Variants in CSMD1 observed in about 807,000 individuals in gnomAD.
The protein encoded by CSMD1 is CUB and sushi domain-containing protein 1.
A neutral mutation model predicts 417.5 loss-of-function variants in CSMD1; 213 were observed. That is an observed-to-expected ratio of 0.51 (90% confidence interval 0.46 to 0.57). The LOEUF is 0.57. Among genes scored for constraint, CSMD1 ranks in the 20% least tolerant of loss-of-function variants. The pLI, the probability that CSMD1 is intolerant of heterozygous loss-of-function variation, is 0.00. For missense variants in CSMD1, 6,923 were observed against 4,529.7 expected (o/e 1.53, Z -15.17); for synonymous variants, 2,862 against 1,736.8 (o/e 1.65, Z -16.11).
intron 1 of CSMD1, among the ~76,000 whole-genome samples, chr8:4,883,686 A>C (rs183980607): frequency 6.6e-6 from 1 of 152,112 alleles, no homozygotes; most frequent in Non-Finnish European, 1.5e-5. Context: ...ATAATAACCA[A>C]TTGTATGGCC....
intron 3 of CSMD1, among the ~76,000 whole-genome samples, chr8:4,270,716 T>C (rs924426681): frequency 6.6e-6 from 1 of 152,194 alleles, no homozygotes; most frequent in African/African-American, 2.4e-5. Flanking sequence ...TCATTTGTAA[T>C]GTGAAAATAG....
intron 5 of CSMD1, among the ~76,000 whole-genome samples, chr8:3,952,127 A>T (rs768028290): frequency 6.6e-6 from 1 of 152,186 alleles, no homozygotes; most frequent in East Asian, 1.9e-4. Flanking sequence ...TTATTTAAGT[A>T]GTGGTTCACA....
chr8:3,941,731 A>G (rs1385808830), intron 5 of CSMD1, among the ~76,000 whole-genome samples: 1 of 152,196 alleles, frequency 6.6e-6, no homozygotes, highest in East Asian at 1.9e-4. Flanking sequence ...TTTTAACTAC[A>G]GAGCTAAATC....
chr8:4,790,445 A>G (rs1797630150), intron 1 of CSMD1, among the ~76,000 whole-genome samples: 1 of 152,172 alleles, frequency 6.6e-6, no homozygotes, highest in African/African-American at 2.4e-5. Flanking sequence ...CTTTCAAACT[A>G]CCAATAACAT....
rs532471911 is a variant in CSMD1, at chr8:4,254,770, C to G, written c.415+165183G>C. Among the ~76,000 whole-genome samples, 49 of 152,214 alleles carry G rather than the reference C, an allele frequency of 3.2e-4. No individual in the cohort carries two copies. In the South Asian group the frequency reaches 9.5e-3, roughly 30 times the overall value. On this transcript the variant is annotated intron_variant, in intron 3 of 69. Transcript: ENST00000635120. The stretch of plus-strand genomic sequence containing the variant: ...AGTCTTACCATTGTGTTACAGTTGC[C>G]TACAGTCTGCAGGACCCTAACAAGG...
At chr8:4,850,382 C>CT in intron 1 of CSMD1, among the ~76,000 whole-genome samples, 9,068 of 77,850 alleles carry the variant, frequency 0.12, 689 homozygotes, top group East Asian at 0.23. Context: ...TCCAATTTAT[C>CT]TTTTTTTTTT....
chr8:2,984,953 T>G (rs769054515), intron 54 of CSMD1, among the ~76,000 whole-genome samples: 1 of 152,172 alleles, frequency 6.6e-6, no homozygotes, highest in Non-Finnish European at 1.5e-5. Context: ...ACATTGAAAA[T>G]GTTTTAAAGT....
chr8:4,290,206 C>T (rs1797284124), intron 3 of CSMD1, among the ~76,000 whole-genome samples: 1 of 152,070 alleles, frequency 6.6e-6, no homozygotes, highest in African/African-American at 2.4e-5. Context: ...TCAAAGGAAA[C>T]ACACTTGTAT....
In CSMD1 at chr8:3,567,450, A is replaced by G. The variant is rs573552224; in HGVS notation, c.1344+7495T>C. ...TTAAAAATAAAATAAAAATAAAAAT[A>G]TAAATGAAGACATAAAAAGTAAATA... On this transcript the variant is annotated intron_variant, in intron 10 of 69. Coordinates refer to ENST00000635120, the MANE Select transcript of CSMD1 (RefSeq NM_033225.6). Among the ~76,000 whole-genome samples the G allele has an allele frequency of 2.0e-5, 3 of 151,446 alleles. No individual in the cohort carries two copies. In the East Asian group the frequency reaches 5.8e-4, roughly 29 times the overall value.
At chr8:4,765,073 G>C (rs979470778) in intron 1 of CSMD1, among the ~76,000 whole-genome samples, 11 of 152,036 alleles carry the variant, frequency 7.2e-5, no homozygotes, top group Non-Finnish European at 1.3e-4. Context: ...CACAGCATGA[G>C]GAACAGGTAT....
intron 10 of CSMD1, among the ~76,000 whole-genome samples, chr8:3,540,512 A>G (rs1798392709): frequency 6.6e-6 from 1 of 152,248 alleles, no homozygotes; most frequent in African/African-American, 2.4e-5. Context: ...CAATTACAAC[A>G]AAAGTAAAAA....
chr8:3,947,617 C>A (rs187908232), intron 5 of CSMD1, among the ~76,000 whole-genome samples: 1 of 151,238 alleles, frequency 6.6e-6, no homozygotes, highest in Non-Finnish European at 1.5e-5. Context: ...TTTCCAAATA[C>A]GAGGAGCTTT....
At chr8:3,514,661 A>AT (rs966020060) in intron 10 of CSMD1, among the ~76,000 whole-genome samples, 22 of 152,120 alleles carry the variant, frequency 1.4e-4, no homozygotes, top group Non-Finnish European at 3.1e-4. Context: ...TACATTTCAA[A>AT]TTTTTTTTAT....
intron 2 of CSMD1, among the ~76,000 whole-genome samples, chr8:4,610,048 A>G (rs983867480): frequency 5.9e-5 from 9 of 151,904 alleles, no homozygotes; most frequent in African/African-American, 1.9e-4. Flanking sequence ...AAACAATTAG[A>G]TATCATTTCA....
At chr8:4,688,964 T>C (rs1268016165) in intron 1 of CSMD1, among the ~76,000 whole-genome samples, 1 of 152,224 alleles carries the variant, frequency 6.6e-6, no homozygotes, top group Non-Finnish European at 1.5e-5. Context: ...ATGGCCATTT[T>C]CCAATTCTGG....
intron 3 of CSMD1, among the ~76,000 whole-genome samples, chr8:4,069,042 C>A (rs960873956): frequency 6.6e-6 from 1 of 152,108 alleles, no homozygotes; most frequent in Non-Finnish European, 1.5e-5. Context: ...TTTATTCTTT[C>A]CTTCTATAGA....
At chr8:4,773,177 G>A (rs1292563684) in intron 1 of CSMD1, among the ~76,000 whole-genome samples, 2 of 152,118 alleles carry the variant, frequency 1.3e-5, no homozygotes, top group East Asian at 1.9e-4. Context: ...GTTCCTGTGA[G>A]CATTTCCTTC....
At chr8:3,534,056 T>C (rs879407066) in intron 10 of CSMD1, among the ~76,000 whole-genome samples, 1 of 152,212 alleles carries the variant, frequency 6.6e-6, no homozygotes, top group Non-Finnish European at 1.5e-5. Flanking sequence ...TTGAAGTTAC[T>C]AGTTTTGACT....
At position 3,038,149 on chromosome 8, in the gene CSMD1, G is replaced by A. The variant is rs558572771; in HGVS notation, c.7661-8636C>T. Among the ~76,000 whole-genome samples the A allele has an allele frequency of 4.6e-5, 7 of 152,130 alleles. No individual in the cohort carries two copies. The South Asian group carries it at 1.0e-3, about 23-fold the overall frequency. The stretch of plus-strand genomic sequence containing the variant: ...AAATAAATAGTGTTCCAACGCTATC[G>A]GTAGCCTAAAGGCAAACCAGCCATG... On this transcript the variant is annotated intron_variant, in intron 50 of 69. Coordinates refer to ENST00000635120, the MANE Select transcript of CSMD1 (RefSeq NM_033225.6).
Sources: allele counts gnomAD v4.1 joint callset (sites outside exome capture counted in the v4.1 genomes callset), GRCh38; gene constraint gnomAD v4.1.1; transcripts MANE v1.5; gene names NCBI Gene and HGNC (gene_info 2026-07-23, HGNC 2026-07-21).